The following C9orf50 variants were observed in gnomAD, a reference collection of about 807,000 sequenced individuals.
C9orf50 encodes uncharacterized protein C9orf50.
Under a neutral mutation model 42.5 loss-of-function variants are expected in C9orf50, and 33 were observed. The ratio of observed to expected loss-of-function variants is 0.78; its 90% CI spans 0.59 to 1.04. The LOEUF (loss-of-function observed/expected upper bound fraction) is 1.04. C9orf50 is among the 50% of genes least tolerant of loss of function. The probability of loss-of-function intolerance (pLI) is 0.00; values close to 1 mark genes in which losing one functional copy is unlikely to be tolerated. For synonymous variants in C9orf50, 257 were observed against 273.4 expected (o/e 0.94, Z 0.59); for missense variants, 547 against 594.3 (o/e 0.92, Z 0.83).
chr9:129,619,511 A>C lies in C9orf50; in HGVS notation c.716+9T>G. On this transcript the variant is annotated intron_variant, in intron 3 of 6. Coordinates refer to ENST00000372478, the Ensembl canonical transcript of C9orf50. ...CCACTACCCTACCCTTATCCCGCCCATCACTCACTGGTTGGCCTTTCTGAC... is the reference window on the plus strand; with the variant it reads ...CCACTACCCTACCCTTATCCCGCCCCTCACTCACTGGTTGGCCTTTCTGAC... 1 of 1,601,714 alleles carries C rather than the reference A, an allele frequency of 6.2e-7. No individual in the cohort carries two copies. The highest frequency in any genetic ancestry group is 1.7e-4 in the Middle Eastern group (1 of 6,012).
In C9orf50 at chr9:129,620,551, T is replaced by G. The variant is rs1830647675; in HGVS notation, c.24A>C (p.Pro8=). 3 of 1,397,200 alleles carry G rather than the reference T, an allele frequency of 2.1e-6. No homozygotes were observed. Among genetic ancestry groups the G allele is most frequent in the Non-Finnish European group, 2.8e-6 (3 of 1,072,482 alleles). The allele number at this position is 1,397,200 out of a possible 1,614,324, so 86.6% of individuals were successfully genotyped here. A position where few individuals can be genotyped will look rare whatever the true frequency, so the allele number is the denominator to read the frequency against. The change falls in exon 1 of 7, where the codon CCA becomes CCC. Residue 8 remains proline, a synonymous_variant. Transcript: ENST00000372478. The surrounding 1 kb of genome is among the most constrained non-coding windows in gnomAD (Gnocchi z 5.8). ...CCTTGGGCGCCAGGTCCTGGGCCCC[T>G]GGGCGAAGTCGACGCCAGAACATGC...
intron 3 of C9orf50, among the ~76,000 whole-genome samples, chr9:129,618,868 G>GTTTTTTTTTTTT (rs34259203): frequency 7.8e-6 from 1 of 128,302 alleles, no homozygotes; most frequent in African/African-American, 2.9e-5. Flanking sequence ...AATTTTTTGT[G>GTTTTTTTTTTTT]TTTTTTTTTT....
upstream of C9orf50, among the ~76,000 whole-genome samples, chr9:129,621,694 C>A (rs1434841802): frequency 6.6e-6 from 1 of 152,178 alleles, no homozygotes; most frequent in Non-Finnish European, 1.5e-5. Context: ...ACAAACTCCC[C>A]CTTTGGGAGG....
chr9:129,620,997 T>C (rs747082367), upstream of C9orf50, among the ~76,000 whole-genome samples: 4 of 152,228 alleles, frequency 2.6e-5, no homozygotes, highest in Non-Finnish European at 4.4e-5. This position sits in a 1 kb window ranked among gnomAD's most constrained non-coding sequence, Gnocchi z 5.8. Context: ...GCCAATTAAC[T>C]TCCCTCTGCC....
chr9:129,613,543 C>A lies in C9orf50; in HGVS notation c.935G>T (p.Arg312Leu), dbSNP rs3213763. The change falls in exon 5 of 7, where the codon CGG becomes CTG. Residue 312 changes from arginine (R) to leucine (L), a missense_variant. Arg to Leu is a moderately radical substitution (Grantham distance 102). This residue lies in a region of C9orf50 where 334 missense variants were observed against 323.7 expected (regional missense o/e 1.03). Coordinates refer to ENST00000372478, the Ensembl canonical transcript of C9orf50. The surrounding 1 kb of genome is among the most constrained non-coding windows in gnomAD (Gnocchi z 6.2). ...CCGTTTTCCGACACTCCCAAACACCCGCTCGGACGCCACTGGCAGGGCGGC... is the reference window on the plus strand; with the variant it reads ...CCGTTTTCCGACACTCCCAAACACCAGCTCGGACGCCACTGGCAGGGCGGC... The A allele has an allele frequency of 1.2e-6, 2 of 1,614,180 alleles. No homozygotes were observed. Among genetic ancestry groups the A allele is most frequent in the African/African-American group, 1.3e-5 (1 of 75,060 alleles).
chr9:129,620,217 C>T lies in C9orf50; in HGVS notation c.358G>A (p.Gly120Arg). The change falls in exon 1 of 7, where the codon GGG becomes AGG. Residue 120 changes from glycine (G) to arginine (R), a missense_variant. Around this residue, in one of 3 missense-constraint regions of C9orf50, gnomAD observed 108 missense variants for 172.1 expected, o/e 0.63. Coordinates refer to ENST00000372478, the Ensembl canonical transcript of C9orf50. This position sits in a 1 kb window ranked among gnomAD's most constrained non-coding sequence, Gnocchi z 5.8. The stretch of plus-strand genomic sequence containing the variant: ...CGGGGGCGCTCGCGCTCTCCAGGCC[C>T]TGGCTGCCTGGGCGCCGATTCCCGG... 7.3e-7 allele frequency: 1 copy of T among 1,368,126 alleles called. No individual in the cohort carries two copies. Among genetic ancestry groups the T allele is most frequent in the South Asian group, 1.8e-5 (1 of 55,102 alleles). The allele number at this position is 1,368,126 out of a possible 1,614,324, so 84.7% of individuals were successfully genotyped here.
chr9:129,615,255 G>T (rs1830301770), intron 4 of C9orf50, among the ~76,000 whole-genome samples: 1 of 152,218 alleles, frequency 6.6e-6, no homozygotes, highest in South Asian at 2.1e-4. Flanking sequence ...AGTCCAAGGT[G>T]CTGCCTGCGT....
rs997969513 is a variant in C9orf50 at position 129,613,037 on chromosome 9, C to T, written c.1188+70G>A. 1.2e-5 allele frequency: 19 copies of T among 1,591,768 alleles called. No individual in the cohort carries two copies. The highest frequency in any genetic ancestry group is 1.6e-5 in the Non-Finnish European group (19 of 1,170,890). On this transcript the variant is annotated intron_variant, in intron 6 of 6. Coordinates refer to ENST00000372478, the Ensembl canonical transcript of C9orf50. The surrounding 1 kb of genome is among the most constrained non-coding windows in gnomAD (Gnocchi z 6.2). ...GCCCCAGCCACTCCACCAAACAGGG[C>T]TGCTCCCGGAGCCAGCTGCCAGCAG...
In C9orf50 at chr9:129,613,832, G is replaced by A. The variant is rs1447567787; in HGVS notation, c.881-235C>T. ...CCTGCGCACCCCCACTCACGCTGCA[G>A]CCGGAAGCGTGCCCCCTTTCTCGCA... On this transcript the variant is annotated intron_variant, in intron 4 of 6. Coordinates refer to ENST00000372478, the Ensembl canonical transcript of C9orf50. The surrounding 1 kb of genome is among the most constrained non-coding windows in gnomAD (Gnocchi z 6.2). Among the ~76,000 whole-genome samples the A allele has an allele frequency of 6.6e-6, 1 of 152,204 alleles. No homozygotes were observed. Among genetic ancestry groups the A allele is most frequent in the Non-Finnish European group, 1.5e-5 (1 of 68,038 alleles).
chr9:129,618,922 T>C (rs1023235724), intron 3 of C9orf50, among the ~76,000 whole-genome samples: 1 of 150,260 alleles, frequency 6.7e-6, no homozygotes, highest in African/African-American at 2.5e-5. Context: ...CACCGTGTTA[T>C]CCAGGGTGGT....
chr9:129,615,413 G>T (rs936809488), intron 4 of C9orf50, 71 bp downstream of exon 4: 4 of 1,461,064 alleles, frequency 2.7e-6, no homozygotes, highest in Non-Finnish European at 3.6e-6. Flanking sequence ...TAGGGGCCCG[G>T]AGCTACAGCC....
chr9:129,618,779 G>A (rs900636299), intron 3 of C9orf50, among the ~76,000 whole-genome samples: 1 of 151,854 alleles, frequency 6.6e-6, no homozygotes, highest in African/African-American at 2.4e-5. Context: ...TGCAAGCTCC[G>A]CCTCCCGGGT....
rs1830508631 is a variant in C9orf50, at chr9:129,618,666, T to C, written c.716+854A>G. On this transcript the variant is annotated intron_variant, in intron 3 of 6. Coordinates refer to ENST00000372478, the Ensembl canonical transcript of C9orf50. ...GGATGGATGGATAGAAGTGTGGGAGTTTTATTTTTTATTTATTTTATTTTA... is the reference window on the plus strand; with the variant it reads ...GGATGGATGGATAGAAGTGTGGGAGCTTTATTTTTTATTTATTTTATTTTA... Among the ~76,000 whole-genome samples the C allele has an allele frequency of 2.0e-5, 3 of 151,480 alleles. No homozygotes were observed. In the Admixed American group the frequency reaches 2.0e-4, roughly 10 times the overall value.
chr9:129,616,412 C>T (rs1327404067), intron 3 of C9orf50, among the ~76,000 whole-genome samples: 3 of 152,104 alleles, frequency 2.0e-5, no homozygotes, highest in Non-Finnish European at 4.4e-5. Context: ...AACGGGGTTT[C>T]ACCTTATTGG....
rs917191966 is a variant in C9orf50 at position 129,614,090 on chromosome 9, G to C, written c.881-493C>G. ...CCCTGCTGCCCGGGACACCATGATAGCTCCTTATGGCCAGTGGCTGACACG... is the reference window on the plus strand; with the variant it reads ...CCCTGCTGCCCGGGACACCATGATACCTCCTTATGGCCAGTGGCTGACACG... On this transcript the variant is annotated intron_variant, in intron 4 of 6. Transcript: ENST00000372478. This position sits in a 1 kb window ranked among gnomAD's most constrained non-coding sequence, Gnocchi z 4.4. 6.6e-6 allele frequency among the ~76,000 whole-genome samples: 1 copy of C among 152,342 alleles called. No individual in the cohort carries two copies. Among genetic ancestry groups the C allele is most frequent in the South Asian group, 2.1e-4 (1 of 4,832 alleles).
rs1378456291 is a variant in C9orf50 at position 129,614,818 on chromosome 9, C to A, written c.880+666G>T. Among the ~76,000 whole-genome samples the A allele has an allele frequency of 6.6e-6, 1 of 152,104 alleles. No individual in the cohort carries two copies. The highest frequency in any genetic ancestry group is 2.4e-5 in the African/African-American group (1 of 41,362). ...TCAGGAGGCTGAGGCAGGAGAATGGCATGAACCCGGGAGGTGGAGCTTGCA... is the reference window on the plus strand; with the variant it reads ...TCAGGAGGCTGAGGCAGGAGAATGGAATGAACCCGGGAGGTGGAGCTTGCA... On this transcript the variant is annotated intron_variant, in intron 4 of 6. Transcript: ENST00000372478. This position sits in a 1 kb window ranked among gnomAD's most constrained non-coding sequence, Gnocchi z 4.4.
In C9orf50 at chr9:129,613,417, G is replaced by A. The variant is rs57250395; in HGVS notation, c.1043+18C>T. 2.3e-3 allele frequency: 3,640 copies of A among 1,611,034 alleles called. 75 individuals carry two copies. The African/African-American group carries it at 0.041, about 18-fold the overall frequency. ...CTGGCAATGTCCACGAGTCCCATCC[G>A]CTTCCCTGGAGCCTCACAGGCCAGC... On this transcript the variant is annotated intron_variant, in intron 5 of 6. Transcript: ENST00000372478. The surrounding 1 kb of genome is among the most constrained non-coding windows in gnomAD (Gnocchi z 6.2).
At chr9:129,619,771 A>G in exon 2 of C9orf50, 1 of 1,614,050 alleles carries the variant, frequency 6.2e-7, no homozygotes, top group Non-Finnish European at 8.5e-7. Flanking sequence ...CAGTTGGGAC[A>G]CCGCGGAGAC....
Position 129,620,069 on chromosome 9 carries a change from A to G in C9orf50, c.506T>C (p.Leu169Pro). 1.4e-6 allele frequency: 2 copies of G among 1,449,388 alleles called. No homozygotes were observed. The highest frequency in any genetic ancestry group is 1.8e-6 in the Non-Finnish European group (2 of 1,099,316). 89.8% of individuals were successfully genotyped at this position (1,449,388 alleles called of 1,614,324 possible). A position where few individuals can be genotyped will look rare whatever the true frequency, so the allele number is the denominator to read the frequency against. The stretch of plus-strand genomic sequence containing the variant: ...CCCCGGGCCCCGCGGGGCCTCACTC[A>G]GTGGCTCCGGCTCCTCGGCGCACTT... Residue 169 changes from leucine to proline, a missense_variant and splice_region_variant, in exon 1 of 7, where the codon CTG becomes CCG. By Grantham distance (98) the Leu-to-Pro change is moderately conservative (BLOSUM62 -3). This residue lies in a region of C9orf50 where 108 missense variants were observed against 172.1 expected (regional missense o/e 0.63). Transcript: ENST00000372478. The surrounding 1 kb of genome is among the most constrained non-coding windows in gnomAD (Gnocchi z 5.8).
Sources: gnomAD v4.1 joint callset for allele counts (sites outside exome capture counted in the v4.1 genomes callset) on GRCh38, gnomAD v4.1.1 for gene constraint, gnomAD v4.1.1 regional missense constraint, Gnocchi (gnomAD v3.1) non-coding constraint, MANE v1.5 for transcripts, NCBI Gene and HGNC (gene_info 2026-07-23, HGNC 2026-07-21) for gene names.